MAP3K13: variants seen among roughly 807,000 people sequenced by gnomAD.
MAP3K13 encodes the protein leucine zipper-bearing kinase.
A neutral mutation model predicts 104.0 loss-of-function variants in MAP3K13; 52 were observed. The observed-to-expected ratio is 0.50, with a 90% confidence interval of 0.40 to 0.63. The LOEUF (loss-of-function observed/expected upper bound fraction) is 0.63. Ranked by LOEUF, MAP3K13 falls within the 20% of genes least tolerant of loss-of-function variation. The probability of loss-of-function intolerance (pLI) is 0.00; values close to 1 mark genes in which losing one functional copy is unlikely to be tolerated. For missense variants in MAP3K13, 914 were observed against 1,218.5 expected (o/e 0.75, Z 3.72); for synonymous variants, 394 against 442.2 (o/e 0.89, Z 1.37).
At position 185,300,546 on chromosome 3, in the gene MAP3K13, C is replaced by G. The variant is rs1452901515; in HGVS notation, c.-86+14903C>G. Among the ~76,000 whole-genome samples, 4 of 150,954 alleles carry G rather than the reference C, an allele frequency of 2.6e-5. No individual in the cohort carries two copies. In the Admixed American group the frequency reaches 2.7e-4, roughly 10 times the overall value. On this transcript the variant is annotated intron_variant, in intron 2 of 14. Coordinates refer to the MAP3K13 transcript ENST00000424227. ...TAGCTTTGTTGCCCAGGCTGGAGTGCAATGGCGCCATCTCGGCTCACTGCA... is the reference window on the plus strand; with the variant it reads ...TAGCTTTGTTGCCCAGGCTGGAGTGGAATGGCGCCATCTCGGCTCACTGCA...
At chr3:185,477,149 T>C (rs1718177319) in intron 11 of MAP3K13, 177 bp from the exon 12 acceptor site, 1 of 692,242 alleles carries the variant, frequency 1.4e-6, no homozygotes, top group Non-Finnish European at 2.6e-6. Context: ...ATAGGTACCC[T>C]GGAAAAGTTA....
At chr3:185,311,029 G>A (rs1721478464) in intron 2 of MAP3K13, among the ~76,000 whole-genome samples, 1 of 152,166 alleles carries the variant, frequency 6.6e-6, no homozygotes, top group Non-Finnish European at 1.5e-5. Context: ...AAGCTATTTT[G>A]TGTTTCTCTA....
chr3:185,303,942 ATTGTGTGT>A (rs1372005438), intron 2 of MAP3K13, among the ~76,000 whole-genome samples: 2 of 150,148 alleles, frequency 1.3e-5, no homozygotes, highest in Non-Finnish European at 3.0e-5. Flanking sequence ...CTTCTTTTTT[ATTGTGTGT>A]TTACCACTAA....
intron 2 of MAP3K13, among the ~76,000 whole-genome samples, chr3:185,354,616 G>GT (rs1723276800): frequency 1.3e-5 from 2 of 151,364 alleles, no homozygotes; most frequent in African/African-American, 4.9e-5. Flanking sequence ...TATGGGGGGG[G>GT]GGCAGGGTAC....
Position 185,428,729 on chromosome 3 carries a change from G to T in MAP3K13, c.148G>T (p.Gly50Trp), listed in dbSNP as rs779925776. 1.2e-6 allele frequency: 2 copies of T among 1,614,190 alleles called. No individual in the cohort carries two copies. The highest frequency in any genetic ancestry group is 1.7e-6 in the Non-Finnish European group (2 of 1,180,036). ...GCTGCTCGAGGACCAGCAGGAAAAGGGGATGGTACGAACAGAGCTAATCGA... is the reference window on the plus strand; with the variant it reads ...GCTGCTCGAGGACCAGCAGGAAAAGTGGATGGTACGAACAGAGCTAATCGA... ...PKLLEDQQEK[G>W]MVRTELIESV... Residue 50 changes from glycine to tryptophan, a missense_variant, in exon 2 of 14, where the codon GGG becomes TGG. By Grantham distance (184) the Gly-to-Trp change is radical. Transcript: ENST00000265026.
At chr3:185,437,330 G>A (rs148935756) in intron 2 of MAP3K13, 117 bp from the exon 3 acceptor site, 76 of 784,554 alleles carry the variant, frequency 9.7e-5, no homozygotes, top group Admixed American at 4.4e-4. Context: ...ATCTTTTGCC[G>A]GGAGACAGAG....
intron 1 of MAP3K13, among the ~76,000 whole-genome samples, chr3:185,416,787 ATT>A (rs63345160): frequency 3.5e-4 from 48 of 136,254 alleles, no homozygotes; most frequent in African/African-American, 6.5e-4. Flanking sequence ...ATGCCCAGCT[ATT>A]TTTTTTTTTT....
rs916536662 is a variant in MAP3K13 at position 185,315,711 on chromosome 3, T to C, written c.-86+30068T>C. Among the ~76,000 whole-genome samples, 1 of 152,214 alleles carries C rather than the reference T, an allele frequency of 6.6e-6. No individual in the cohort carries two copies. Among genetic ancestry groups the C allele is most frequent in the Non-Finnish European group, 1.5e-5 (1 of 68,040 alleles). On this transcript the variant is annotated intron_variant, in intron 2 of 14. Transcript: ENST00000424227. This position sits in a 1 kb window ranked among gnomAD's most constrained non-coding sequence, Gnocchi z 4.3. ...AAATGGGATATTAACCACCTTTACTTTCAGGGACCTAATCTGTAAAATGAG... is the reference window on the plus strand; with the variant it reads ...AAATGGGATATTAACCACCTTTACTCTCAGGGACCTAATCTGTAAAATGAG...
intron 2 of MAP3K13, among the ~76,000 whole-genome samples, chr3:185,324,172 G>C (rs1000871696): frequency 6.6e-6 from 1 of 151,846 alleles, no homozygotes; most frequent in Non-Finnish European, 1.5e-5. Flanking sequence ...CACCACGCCC[G>C]GCTAATTTTT....
rs141386961 is a variant in MAP3K13 at position 185,288,439 on chromosome 3, T to A, written c.-86+2796T>A. The stretch of plus-strand genomic sequence containing the variant: ...AGAGAATATATATATTCCAGAAAAA[T>A]ATATATAATTTATATAGAGAGAATA... On this transcript the variant is annotated intron_variant, in intron 2 of 14. Transcript: ENST00000424227. Among the ~76,000 whole-genome samples, 1,448 of 149,962 alleles carry A rather than the reference T, an allele frequency of 9.7e-3. 44 individuals carry two copies. In the East Asian group the frequency reaches 0.098, roughly 10 times the overall value.
chr3:185,366,303 T>C (rs79715429), intron 1 of MAP3K13, among the ~76,000 whole-genome samples: 1,860 of 152,290 alleles, frequency 0.012, 44 homozygotes, highest in African/African-American at 0.042. Flanking sequence ...TCCCAAGAAA[T>C]ATTCCAGTGC....
chr3:185,462,083 GAGA>G (rs1206261460), intron 7 of MAP3K13, among the ~76,000 whole-genome samples: 2 of 152,222 alleles, frequency 1.3e-5, no homozygotes, highest in Admixed American at 6.5e-5. Context: ...ATAATTTCAG[GAGA>G]AGATTATATA....
chr3:185,432,634 T>A (rs1714813440), intron 2 of MAP3K13, among the ~76,000 whole-genome samples: 1 of 152,136 alleles, frequency 6.6e-6, no homozygotes, highest in African/African-American at 2.4e-5. Context: ...TTTGAAGATC[T>A]CAGGATCCAA....
intron 8 of MAP3K13, among the ~76,000 whole-genome samples, chr3:185,465,135 G>T (rs544471073): frequency 4.6e-5 from 7 of 152,218 alleles, no homozygotes; most frequent in Non-Finnish European, 1.0e-4. Flanking sequence ...TGCTAACCAT[G>T]CCGGGCTAAT....
intron 2 of MAP3K13, among the ~76,000 whole-genome samples, chr3:185,338,372 TG>T (rs1420258701): frequency 6.9e-6 from 1 of 145,558 alleles, no homozygotes; most frequent in African/African-American, 2.5e-5. Flanking sequence ...GTGGCTCATA[TG>T]GGTGTTTTAA....
At chr3:185,410,740 G>C (rs568712841) in intron 1 of MAP3K13, among the ~76,000 whole-genome samples, 1 of 152,034 alleles carries the variant, frequency 6.6e-6, no homozygotes. Context: ...TTCAAAACCA[G>C]CCTGGCCAAC....
intron 11 of MAP3K13, among the ~76,000 whole-genome samples, chr3:185,475,920 T>C (rs768981380): frequency 1.3e-5 from 2 of 152,216 alleles, no homozygotes; most frequent in Non-Finnish European, 2.9e-5. Flanking sequence ...CATTCTCTCC[T>C]CTTCCAACTC....
upstream of MAP3K13, among the ~76,000 whole-genome samples, chr3:185,359,776 T>C (rs369104447): frequency 6.6e-6 from 1 of 152,184 alleles, no homozygotes; most frequent in Non-Finnish European, 1.5e-5. Flanking sequence ...TACACACTTA[T>C]CTGTGAAGGA....
chr3:185,431,429 C>T (rs1714735136), intron 2 of MAP3K13, among the ~76,000 whole-genome samples: 2 of 152,142 alleles, frequency 1.3e-5, no homozygotes, highest in South Asian at 4.1e-4. Flanking sequence ...TTTGTCTACT[C>T]CTTTACTTTT....
Sources: gnomAD v4.1 joint callset for allele counts (sites outside exome capture counted in the v4.1 genomes callset) on GRCh38, gnomAD v4.1.1 for gene constraint, Gnocchi (gnomAD v3.1) non-coding constraint, MANE v1.5 for transcripts, NCBI Gene and HGNC (gene_info 2026-07-23, HGNC 2026-07-21) for gene names.